The following SLC2A13 variants were observed in gnomAD, a reference collection of about 807,000 sequenced individuals.
The protein encoded by SLC2A13 is proton myo-inositol cotransporter.
Under a neutral mutation model 64.4 loss-of-function variants are expected in SLC2A13, and 32 were observed. The ratio of observed to expected loss-of-function variants is 0.50; its 90% confidence interval spans 0.37 to 0.67. The LOEUF is 0.67. SLC2A13 is among the 30% of genes least tolerant of loss of function. The pLI is 0.00. For synonymous variants in SLC2A13, 338 were observed against 327.1 expected, an observed-to-expected ratio of 1.03 and a Z score of -0.36; for missense variants, 743 against 829.2, an observed-to-expected ratio of 0.90 and a Z score of 1.28.
intron 7 of SLC2A13, among the ~76,000 whole-genome samples, chr12:39,800,326 T>G (rs994198932): frequency 1.9e-4 from 29 of 152,158 alleles, no homozygotes; most frequent in Non-Finnish European, 3.2e-4. Context: ...CAAGGGGGGA[T>G]TGAATTCGCA....
At chr12:39,799,253 CCTTTTTTT>C (rs1251238340) in intron 7 of SLC2A13, among the ~76,000 whole-genome samples, 2 of 75,356 alleles carry the variant, frequency 2.7e-5, no homozygotes, top group Non-Finnish European at 4.7e-5. Context: ...CTATGCTTAG[CCTTTTTTT>C]TTTTTTTTTT....
intron 1 of SLC2A13, among the ~76,000 whole-genome samples, chr12:40,103,511 G>A (rs1302888689): frequency 6.6e-6 from 1 of 152,002 alleles, no homozygotes; most frequent in African/African-American, 2.4e-5. Context: ...ATCTGGAAGG[G>A]GACCTTACAC....
intron 7 of SLC2A13, among the ~76,000 whole-genome samples, chr12:39,790,465 C>T (rs1461530642): frequency 3.4e-5 from 5 of 148,774 alleles, no homozygotes; most frequent in Non-Finnish European, 7.4e-5. Flanking sequence ...TGAGAATATG[C>T]GGTGTTTGGT....
At chr12:39,905,906 C>T (rs1362420457) in intron 4 of SLC2A13, among the ~76,000 whole-genome samples, 1 of 151,480 alleles carries the variant, frequency 6.6e-6, no homozygotes, top group Non-Finnish European at 1.5e-5. Context: ...TTTAACACCT[C>T]TTTAGCTGTG....
chr12:39,949,504 T>C (rs1274401794), intron 4 of SLC2A13: 2 of 152,228 alleles, frequency 1.3e-5, no homozygotes, highest in East Asian at 1.9e-4. Context: ...GAGAAATGAA[T>C]GTTTTATTAA....
At chr12:39,935,344 T>C (rs901320099) in intron 4 of SLC2A13, among the ~76,000 whole-genome samples, 1 of 152,250 alleles carries the variant, frequency 6.6e-6, no homozygotes, top group African/African-American at 2.4e-5. Context: ...AGGACTAACT[T>C]GGCAACATTT....
intron 1 of SLC2A13, among the ~76,000 whole-genome samples, chr12:40,088,812 G>A (rs1299014520): frequency 2.6e-5 from 4 of 151,944 alleles, no homozygotes; most frequent in African/African-American, 7.3e-5. Context: ...AAAATGAGTG[G>A]GATAATAAAT....
chr12:39,928,725 C>T (rs34714539), intron 4 of SLC2A13, among the ~76,000 whole-genome samples: 15,851 of 152,108 alleles, frequency 0.1, 885 homozygotes, highest in Non-Finnish European at 0.13. Flanking sequence ...GGATAAAGAA[C>T]ATCAGACTGG....
rs779162216 is a variant in SLC2A13, at chr12:39,764,498, A to G, written c.1682T>C (p.Leu561Pro). The G allele has an allele frequency of 6.2e-7, 1 of 1,607,894 alleles. No homozygotes were observed. Among genetic ancestry groups the G allele is most frequent in the Non-Finnish European group, 8.5e-7 (1 of 1,178,100 alleles). ...ATACTCTGCTGTGTGTAAAAATGTTAGTGAAACCAGGACATTGAAAATCCA... is the reference window on the plus strand; with the variant it reads ...ATACTCTGCTGTGTGTAAAAATGTTGGTGAAACCAGGACATTGAAAATCCA... Reference protein sequence around the residue: ...INWIFNVLVSLTFLHTAEYLT... With the variant: ...INWIFNVLVSPTFLHTAEYLT... The change falls in exon 9 of 10, where the codon CTA becomes CCA. Residue 561 changes from leucine (L) to proline (P), a missense_variant. This residue lies in a region of SLC2A13 where 295 missense variants were observed against 381.7 expected (regional missense o/e 0.77). Transcript: ENST00000280871.
chr12:40,027,495 C>T (rs1462574945), intron 3 of SLC2A13, among the ~76,000 whole-genome samples: 1 of 152,176 alleles, frequency 6.6e-6, no homozygotes, highest in African/African-American at 2.4e-5. Context: ...AGGAAGGCAA[C>T]AATGGTCAGC....
intron 1 of SLC2A13, among the ~76,000 whole-genome samples, chr12:40,055,464 G>A (rs138146022): frequency 2.0e-5 from 3 of 152,222 alleles, no homozygotes; most frequent in Admixed American, 6.5e-5. Context: ...CCTGTATCAC[G>A]TTTGTCTCTC....
At chr12:39,778,385 G>A (rs1481249444) in intron 7 of SLC2A13, among the ~76,000 whole-genome samples, 4 of 152,170 alleles carry the variant, frequency 2.6e-5, no homozygotes, top group Non-Finnish European at 5.9e-5. Context: ...GGGGCCAGCT[G>A]TAGGGATGAC....
At chr12:39,969,212 G>T (rs1371405909) in intron 3 of SLC2A13, among the ~76,000 whole-genome samples, 1 of 152,114 alleles carries the variant, frequency 6.6e-6, no homozygotes, top group Non-Finnish European at 1.5e-5. Context: ...ATGGACATTT[G>T]GGTTGGTTCC....
At chr12:40,039,395 C>T (rs1363792448) in intron 2 of SLC2A13, among the ~76,000 whole-genome samples, 2 of 152,058 alleles carry the variant, frequency 1.3e-5, no homozygotes, top group Admixed American at 6.6e-5. Context: ...ACATTTAATG[C>T]GATTATTACC....
chr12:39,880,966 A>G (rs201675319), intron 4 of SLC2A13, among the ~76,000 whole-genome samples: 1 of 152,250 alleles, frequency 6.6e-6, no homozygotes, highest in East Asian at 1.9e-4. Context: ...GACTTCACAT[A>G]GGCTCACATT....
chr12:39,800,176 T>A (rs1485178269), intron 7 of SLC2A13, among the ~76,000 whole-genome samples: 2 of 152,182 alleles, frequency 1.3e-5, no homozygotes, highest in Non-Finnish European at 2.9e-5. Flanking sequence ...TCCTTGGCAT[T>A]TTTGCAGAAA....
At chr12:39,881,326 G>A (rs1409776807) in intron 4 of SLC2A13, among the ~76,000 whole-genome samples, 1 of 150,810 alleles carries the variant, frequency 6.6e-6, no homozygotes, top group East Asian at 1.9e-4. Context: ...TGTGGTTTAT[G>A]TTAAAAAAAA....
At chr12:39,957,660 C>T (rs1205542670) in intron 3 of SLC2A13, among the ~76,000 whole-genome samples, 2 of 152,202 alleles carry the variant, frequency 1.3e-5, no homozygotes, top group Admixed American at 1.3e-4. Context: ...ACAAATTCAG[C>T]ATGTCAGGTC....
chr12:39,821,200 T>A (rs963922176), intron 7 of SLC2A13, among the ~76,000 whole-genome samples: 1 of 152,012 alleles, frequency 6.6e-6, no homozygotes, highest in African/African-American at 2.4e-5. Context: ...GATCATGAGG[T>A]CAGGAGATCG....
Sources: allele counts gnomAD v4.1 joint callset (sites outside exome capture counted in the v4.1 genomes callset), GRCh38; gene constraint gnomAD v4.1.1; regional missense constraint gnomAD v4.1.1; transcripts MANE v1.5; gene names NCBI Gene and HGNC (gene_info 2026-07-23, HGNC 2026-07-21).